The following ZNF106 variants were observed in gnomAD, a reference collection of about 807,000 sequenced individuals.
The protein encoded by ZNF106 is SH3-domain binding protein 3.
ZNF106 carries 67 observed loss-of-function variants against 195.1 expected under a neutral mutation model. The observed-to-expected ratio is 0.34, with a 90% CI of 0.28 to 0.42. The LOEUF (loss-of-function observed/expected upper bound fraction) is 0.42, where lower values mean the gene tolerates loss of function less well. ZNF106 is among the 10% of genes least tolerant of loss of function. ZNF106 has a pLI of 1.00. For missense variants in ZNF106, 2,118 were observed against 2,304.5 expected (o/e 0.92, Z 1.66); for synonymous variants, 784 against 818.6 (o/e 0.96, Z 0.72).
chr15:42,481,900 C>T (rs928473880), intron 1 of ZNF106, among the ~76,000 whole-genome samples: 4 of 152,106 alleles, frequency 2.6e-5, no homozygotes, highest in African/African-American at 7.2e-5. Context: ...GGGAAATTTT[C>T]AGCCATTAAA....
At position 42,457,167 on chromosome 15, in the gene ZNF106, A is replaced by G. The variant is rs773673130; in HGVS notation, c.117-9T>C. On this transcript the variant is annotated splice_polypyrimidine_tract_variant and intron_variant, in intron 3 of 21. Coordinates refer to ENST00000564754, the MANE Select transcript of ZNF106 (RefSeq NM_001366845.3). ...ACTCATGACTAATGTCCCTAGGGAA[A>G]GAGGGAGATGAGGGACATTCAATTC... is the stretch of plus-strand genomic sequence containing the variant. 2 of 1,614,176 alleles carry G rather than the reference A, an allele frequency of 1.2e-6. No individual in the cohort carries two copies. Among genetic ancestry groups the G allele is most frequent in the Admixed American group, 1.7e-5 (1 of 60,014 alleles).
chr15:42,416,043 T>A lies in ZNF106; in HGVS notation c.*1261A>T, dbSNP rs554528173. On this transcript the variant is annotated 3_prime_UTR_variant, in exon 22 of 22. Coordinates refer to ENST00000564754, the MANE Select transcript of ZNF106 (RefSeq NM_001366845.3). ...CACCACGCCCGGCCACGTTCTGAGTTTTGAGGATCCAGAAACAAAAGGCTG... is the reference window on the plus strand; with the variant it reads ...CACCACGCCCGGCCACGTTCTGAGTATTGAGGATCCAGAAACAAAAGGCTG... 9 of 152,790 alleles carry A rather than the reference T, an allele frequency of 5.9e-5. No homozygotes were observed. The highest frequency in any genetic ancestry group is 2.2e-4 in the African/African-American group (9 of 41,556). 9.5% of individuals were successfully genotyped at this position (152,790 alleles called of 1,614,324 possible).
At chr15:42,441,024 T>A (rs868695478) in intron 10 of ZNF106, among the ~76,000 whole-genome samples, 778 of 70,062 alleles carry the variant, frequency 0.011, 105 homozygotes, top group African/African-American at 0.064. Flanking sequence ...TATATATATA[T>A]ATATATATAT....
At chr15:42,423,556 T>G (rs2054746283) in intron 17 of ZNF106, among the ~76,000 whole-genome samples, 1 of 151,984 alleles carries the variant, frequency 6.6e-6, no homozygotes, top group Non-Finnish European at 1.5e-5. Flanking sequence ...AAAAAAAATT[T>G]TTTTTAAGAG....
At chr15:42,490,038 T>A (rs1353779302) in intron 1 of ZNF106, among the ~76,000 whole-genome samples, 1 of 147,852 alleles carries the variant, frequency 6.8e-6, no homozygotes. Context: ...AACTCCGTCC[T>A]AAAAAAAATA....
chr15:42,436,927 C>T (rs1270904697), intron 13 of ZNF106, among the ~76,000 whole-genome samples: 1 of 152,200 alleles, frequency 6.6e-6, no homozygotes, highest in Non-Finnish European at 1.5e-5. Context: ...GAGTAAAACA[C>T]AGGACCCTTC....
chr15:42,434,786 T>TC (rs2055210624), intron 14 of ZNF106, among the ~76,000 whole-genome samples: 2 of 151,600 alleles, frequency 1.3e-5, no homozygotes, highest in Non-Finnish European at 2.9e-5. Flanking sequence ...TTTTTTTTTT[T>TC]TCCTGAGACG....
chr15:42,420,527 C>T (rs1043035131), intron 20 of ZNF106, among the ~76,000 whole-genome samples: 1 of 151,990 alleles, frequency 6.6e-6, no homozygotes, highest in South Asian at 2.1e-4. Flanking sequence ...GTCAAGTTCA[C>T]GCCATCAATG....
intron 12 of ZNF106, among the ~76,000 whole-genome samples, chr15:42,437,723 A>G (rs1595451601): frequency 6.6e-6 from 1 of 151,992 alleles, no homozygotes; most frequent in Non-Finnish European, 1.5e-5. Context: ...CCTAGCCAAC[A>G]TGGTGAAACC....
chr15:42,468,773 G>A (rs2056592989), intron 2 of ZNF106, among the ~76,000 whole-genome samples: 2 of 151,878 alleles, frequency 1.3e-5, no homozygotes, highest in Non-Finnish European at 2.9e-5. Context: ...AATAAGGAGA[G>A]AGTAGCTTTA....
intron 10 of ZNF106, among the ~76,000 whole-genome samples, chr15:42,441,435 T>G (rs1429685355): frequency 6.6e-6 from 1 of 152,144 alleles, no homozygotes; most frequent in Non-Finnish European, 1.5e-5. Context: ...TTTTTAAACT[T>G]TTTGCTTTTG....
intron 1 of ZNF106, among the ~76,000 whole-genome samples, chr15:42,489,497 T>C (rs557777256): frequency 3.9e-5 from 6 of 152,124 alleles, no homozygotes; most frequent in African/African-American, 1.4e-4. Context: ...CATTTTAAAG[T>C]TCTCCTCGAA....
At chr15:42,444,758 T>G (rs2055703064) in intron 8 of ZNF106, 69 bp downstream of exon 8, 5 of 1,580,770 alleles carry the variant, frequency 3.2e-6, no homozygotes, top group Non-Finnish European at 4.3e-6. Flanking sequence ...ACTCCAGACA[T>G]GGGTTTGGCA....
intron 1 of ZNF106, among the ~76,000 whole-genome samples, chr15:42,482,188 A>T (rs563327598): frequency 8.5e-4 from 129 of 152,320 alleles, no homozygotes; most frequent in Admixed American, 3.4e-3. Flanking sequence ...CTTTATGAAT[A>T]CATTTTCCTT....
intron 3 of ZNF106, chr15:42,457,416 T>C (rs1391174469): frequency 1.4e-5 from 19 of 1,360,152 alleles, no homozygotes; most frequent in Non-Finnish European, 1.8e-5. Flanking sequence ...AGAAATCTTC[T>C]TGAATTGCTG....
Position 42,451,836 on chromosome 15 carries a change from G to A in ZNF106, c.436C>T (p.His146Tyr), listed in dbSNP as rs1252294486. The A allele has an allele frequency of 1.2e-6, 2 of 1,614,218 alleles. No homozygotes were observed. Among genetic ancestry groups the A allele is most frequent in the South Asian group, 1.1e-5 (1 of 91,082 alleles). Reference sequence around the variant, plus strand: ...TCCCGCTGTGGAGGTCCACGATGATGCCATGCAGGCTGACTGTAACTCTCT... The same window carrying A: ...TCCCGCTGTGGAGGTCCACGATGATACCATGCAGGCTGACTGTAACTCTCT... ...DRESYSQPAWHHRGPPQRDWK... is the reference protein window; with the variant it reads ...DRESYSQPAWYHRGPPQRDWK... Residue 146 changes from histidine to tyrosine, a missense_variant, in exon 5 of 22, where the codon CAT becomes TAT. Transcript: ENST00000564754.
chr15:42,451,537 G>C lies in ZNF106; in HGVS notation c.735C>G (p.Asn245Lys). ...TACGTACACTGGATTTCCAGTTTCC[G>C]TTACTGTTGTTCATATGCCAACTGG... ...GFSSWHMNNS[N>K]GNWKSSVRST... Residue 245 changes from asparagine (N) to lysine (K), a missense_variant, in exon 5 of 22, where the codon AAC (asparagine) becomes AAG (lysine). Physicochemically the swap from Asn to Lys is moderately conservative, Grantham distance 94. Coordinates refer to ENST00000564754, the MANE Select transcript of ZNF106 (RefSeq NM_001366845.3). 1 of 1,614,096 alleles carries C rather than the reference G, an allele frequency of 6.2e-7. No individual in the cohort carries two copies. Among genetic ancestry groups the C allele is most frequent in the Non-Finnish European group, 8.5e-7 (1 of 1,180,012 alleles).
chr15:42,448,857 C>T (rs2141350900), intron 5 of ZNF106, 152 bp from the exon 6 acceptor site: 2 of 707,036 alleles, frequency 2.8e-6, no homozygotes, highest in East Asian at 5.4e-5. Context: ...GTCAGTGGTA[C>T]AGATATAAAT....
chr15:42,457,397 T>C, intron 3 of ZNF106: 1 of 1,384,382 alleles, frequency 7.2e-7, no homozygotes, highest in Non-Finnish European at 9.3e-7. Context: ...ATAAATGTCG[T>C]TTAGGAGGAG....
Sources: gnomAD v4.1 joint callset for allele counts (sites outside exome capture counted in the v4.1 genomes callset) on GRCh38, gnomAD v4.1.1 for gene constraint, MANE v1.5 for transcripts, NCBI Gene and HGNC (gene_info 2026-07-23, HGNC 2026-07-21) for gene names.